SMC3: variants seen among roughly 807,000 people sequenced by gnomAD.
The protein encoded by SMC3 is structural maintenance of chromosomes 3.
SMC3 carries 20 observed loss-of-function variants against 171.8 expected under a neutral mutation model. That is an observed-to-expected ratio of 0.12 (90% CI 0.08 to 0.17). The LOEUF is 0.17. Ranked by LOEUF, SMC3 falls within the 10% of genes least tolerant of loss-of-function variation. The pLI is 1.00. For missense variants in SMC3, 543 were observed against 1,420.4 expected, an observed-to-expected ratio of 0.38 and a Z score of 9.93; for synonymous variants, 464 against 451.1, an observed-to-expected ratio of 1.03 and a Z score of -0.36.
chr10:110,571,557 T>C (rs1860872679), intron 2 of SMC3, among the ~76,000 whole-genome samples: 1 of 152,178 alleles, frequency 6.6e-6, no homozygotes, highest in African/African-American at 2.4e-5. Flanking sequence ...CCGGAAGTAG[T>C]CAGGGAGTTA....
At chr10:110,591,673 ATTC>A (rs1239565729) in intron 17 of SMC3, among the ~76,000 whole-genome samples, 2 of 152,238 alleles carry the variant, frequency 1.3e-5, no homozygotes, top group Non-Finnish European at 2.9e-5. Flanking sequence ...TTCAGACACC[ATTC>A]TTAGAACAGT....
At chr10:110,600,751 T>C (rs1250448837) in intron 22 of SMC3, among the ~76,000 whole-genome samples, 1 of 152,184 alleles carries the variant, frequency 6.6e-6, no homozygotes, top group Non-Finnish European at 1.5e-5. Flanking sequence ...CTTGTGTGAA[T>C]TAAGCATTAT....
intron 28 of SMC3, among the ~76,000 whole-genome samples, chr10:110,603,579 G>A (rs1158255937): frequency 2.0e-5 from 3 of 152,124 alleles, no homozygotes; most frequent in African/African-American, 4.8e-5. Context: ...CATTTGTATA[G>A]ACTGCATAGC....
At chr10:110,600,068 A>G (rs1177922059) in intron 21 of SMC3, among the ~76,000 whole-genome samples, 6 of 152,210 alleles carry the variant, frequency 3.9e-5, no homozygotes, top group African/African-American at 9.7e-5. Flanking sequence ...AAGTATTGCT[A>G]TGAGTTTGAG....
chr10:110,578,764 G>T, intron 7 of SMC3, 58 bp downstream of exon 7: 1 of 1,340,108 alleles, frequency 7.5e-7, no homozygotes, highest in South Asian at 1.2e-5. Context: ...ATTCTTGAGT[G>T]ATGAATTTGG....
At chr10:110,572,171 C>T (rs1244098474) in intron 2 of SMC3, among the ~76,000 whole-genome samples, 3 of 152,202 alleles carry the variant, frequency 2.0e-5, no homozygotes. Flanking sequence ...ATCATTTCCA[C>T]TTTTTACACA....
chr10:110,569,958 G>A (rs917084297), intron 2 of SMC3, among the ~76,000 whole-genome samples: 4 of 152,230 alleles, frequency 2.6e-5, no homozygotes, highest in Admixed American at 2.6e-4. Context: ...CAGTTTTGCT[G>A]TACAGAGTCC....
chr10:110,603,420 AAG>A, intron 28 of SMC3, 130 bp downstream of exon 28: 1 of 666,578 alleles, frequency 1.5e-6, no homozygotes, highest in Admixed American at 2.9e-5. Flanking sequence ...TTTGTAAAGA[AAG>A]AACTTTTCCT....
intron 4 of SMC3, among the ~76,000 whole-genome samples, chr10:110,576,078 A>G (rs550241825): frequency 4.3e-4 from 66 of 152,332 alleles, no homozygotes; most frequent in African/African-American, 1.6e-3. Context: ...TAAACCTATC[A>G]TAAACTGAAA....
At chr10:110,600,285 A>C (rs1166174343) in intron 21 of SMC3, among the ~76,000 whole-genome samples, 154 bp from the exon 22 acceptor site, 2 of 152,256 alleles carry the variant, frequency 1.3e-5, no homozygotes, top group Non-Finnish European at 2.9e-5. Context: ...GATAAGAGAA[A>C]AATGAAGAAA....
At chr10:110,578,101 T>C (rs1488387344) in intron 6 of SMC3, among the ~76,000 whole-genome samples, 187 bp downstream of exon 6, 1 of 147,850 alleles carries the variant, frequency 6.8e-6, no homozygotes, top group East Asian at 2.0e-4. Flanking sequence ...CAATACGGAG[T>C]CTTGCTCTGT....
chr10:110,591,354 A>G (rs929996970), intron 17 of SMC3, among the ~76,000 whole-genome samples: 1 of 152,174 alleles, frequency 6.6e-6, no homozygotes, highest in Non-Finnish European at 1.5e-5. Flanking sequence ...AATCCCAGCT[A>G]CTTGGGAGGC....
At chr10:110,599,258 C>A (rs1668631648) in intron 20 of SMC3, among the ~76,000 whole-genome samples, 1 of 152,092 alleles carries the variant, frequency 6.6e-6, no homozygotes, top group Non-Finnish European at 1.5e-5. Context: ...CCTCCACACC[C>A]AGCTAATTTT....
At chr10:110,580,710 T>G (rs1861018050) in intron 7 of SMC3, among the ~76,000 whole-genome samples, 194 bp from the exon 8 acceptor site, 1 of 152,136 alleles carries the variant, frequency 6.6e-6, no homozygotes, top group Admixed American at 6.5e-5. Flanking sequence ...TGGATTTGGG[T>G]TGCTCATCTG....
chr10:110,603,080 A>G (rs1381112990), intron 27 of SMC3, 78 bp downstream of exon 27: 1 of 1,564,742 alleles, frequency 6.4e-7, no homozygotes, highest in Non-Finnish European at 8.8e-7. Context: ...TGAAAAAATC[A>G]AACTCAGGCA....
intron 26 of SMC3, 39 bp from the exon 27 acceptor site, chr10:110,602,786 G>T: frequency 6.3e-7 from 1 of 1,595,672 alleles, no homozygotes. Context: ...TGGTGATTCT[G>T]CCCTTTAGGA....
In SMC3 at chr10:110,583,448, A is replaced by T; in HGVS notation, c.869A>T (p.Gln290Leu). 6.2e-7 allele frequency: 1 copy of T among 1,614,100 alleles called. No homozygotes were observed. The highest frequency in any genetic ancestry group is 1.1e-5 in the South Asian group (1 of 91,086). The stretch of plus-strand genomic sequence containing the variant: ...TCAGCTATGAAAGAAGAAAAAGAAC[A>T]GCTTAGTGCTGAAAGACAAGAGCAG... Reference protein sequence around the residue: ...KISAMKEEKEQLSAERQEQIK... With the variant: ...KISAMKEEKELLSAERQEQIK... Residue 290 changes from glutamine (Q) to leucine (L), a missense_variant, in exon 11 of 29, where the codon CAG becomes CTG. Physicochemically the swap from Gln to Leu is moderately radical, Grantham distance 113. This residue lies in a region of SMC3 where 146 missense variants were observed against 437.9 expected (regional missense o/e 0.33). Transcript: ENST00000361804.
intron 7 of SMC3, among the ~76,000 whole-genome samples, chr10:110,579,484 G>C (rs552783844): frequency 6.6e-6 from 1 of 152,198 alleles, no homozygotes; most frequent in Admixed American, 6.5e-5. Flanking sequence ...CTTCATTTCA[G>C]TTTCTGCCCG....
Position 110,583,389 on chromosome 10 carries a change from C to A in SMC3, c.810C>A (p.Ile270=). 6.2e-7 allele frequency: 1 copy of A among 1,612,660 alleles called. No homozygotes were observed. The highest frequency in any genetic ancestry group is 1.1e-5 in the South Asian group (1 of 91,000). The change falls in exon 11 of 29, where the codon ATC becomes ATA. Residue 270 remains isoleucine (I), a synonymous_variant. Coordinates refer to ENST00000361804, the MANE Select transcript of SMC3 (RefSeq NM_005445.4). Reference sequence around the variant, plus strand: ...TGTTTAATACTTTTGAATAGGATATCGAACGCCAAGTTAGAGAATTGAAAA... The same window carrying A: ...TGTTTAATACTTTTGAATAGGATATAGAACGCCAAGTTAGAGAATTGAAAA... ...QQDARDKMED[I]ERQVRELKTK... is the part of the protein sequence containing the mutation.
Sources: allele counts gnomAD v4.1 joint callset (sites outside exome capture counted in the v4.1 genomes callset), GRCh38; gene constraint gnomAD v4.1.1; regional missense constraint gnomAD v4.1.1; transcripts MANE v1.5; gene names NCBI Gene and HGNC (gene_info 2026-07-23, HGNC 2026-07-21).